The following BMPR1B variants were observed in gnomAD, a reference collection of about 807,000 sequenced individuals.
BMPR1B encodes the protein bone morphogenetic protein receptor type 1B.
A neutral mutation model predicts 59.1 loss-of-function variants in BMPR1B; 12 were observed. The observed-to-expected ratio is 0.20, with a 90% confidence interval of 0.13 to 0.33. The LOEUF (loss-of-function observed/expected upper bound fraction) is 0.33. Ranked by LOEUF, BMPR1B falls within the 10% of genes least tolerant of loss-of-function variation. The pLI is 1.00. For synonymous variants in BMPR1B, 237 were observed against 207.3 expected (o/e 1.14, Z -1.23); for missense variants, 550 against 610.9 (o/e 0.90, Z 1.05).
chr4:94,887,422 A>AAAAT (rs1354586556), intron 2 of BMPR1B, among the ~76,000 whole-genome samples: 1 of 150,232 alleles, frequency 6.7e-6, no homozygotes, highest in Admixed American at 6.6e-5. Context: ...AAAAAAAAAA[A>AAAAT]ACAAGAAGCA....
chr4:94,981,024 A>ACACAC (rs1560578257), intron 2 of BMPR1B, among the ~76,000 whole-genome samples: 2 of 45,956 alleles, frequency 4.4e-5, no homozygotes, highest in African/African-American at 1.4e-4. Context: ...CACACACACA[A>ACACAC]AAAGTAGAAG....
At chr4:94,939,227 T>C (rs1330906020) in intron 2 of BMPR1B, among the ~76,000 whole-genome samples, 1 of 152,122 alleles carries the variant, frequency 6.6e-6, no homozygotes. Flanking sequence ...AGATTCTGTA[T>C]GTAATTAAAA....
chr4:94,826,051 T>A (rs994185697), intron 1 of BMPR1B, among the ~76,000 whole-genome samples: 9 of 152,118 alleles, frequency 5.9e-5, no homozygotes, highest in South Asian at 2.1e-4. Flanking sequence ...GAAAAAAAAA[T>A]TTTAAAATCA....
chr4:95,026,097 C>CATTTATTTATTTATTT (rs1331360037), intron 3 of BMPR1B, among the ~76,000 whole-genome samples: 1 of 23,882 alleles, frequency 4.2e-5, no homozygotes, highest in African/African-American at 1.1e-4. Flanking sequence ...TGCTTTCTTT[C>CATTTATTTATTTATTT]ATTTCTTTCT....
chr4:94,836,350 G>T (rs968406185), intron 1 of BMPR1B, among the ~76,000 whole-genome samples: 1 of 146,812 alleles, frequency 6.8e-6, no homozygotes, highest in Admixed American at 6.7e-5. Flanking sequence ...TTCCACAATG[G>T]TTGAACTAGT....
intron 1 of BMPR1B, among the ~76,000 whole-genome samples, chr4:94,784,249 A>G (rs929495694): frequency 3.3e-5 from 5 of 152,260 alleles, no homozygotes; most frequent in South Asian, 2.1e-4. Context: ...CCTATTGTCA[A>G]TAAGAGACTT....
rs895796022 is a variant in BMPR1B at position 95,084,703 on chromosome 4, A to G, written c.-17-19705A>G. On this transcript the variant is annotated intron_variant, in intron 3 of 12. Coordinates refer to ENST00000515059, the MANE Select transcript of BMPR1B (RefSeq NM_001203.3). Reference sequence around the variant, plus strand: ...GGCATTACTACATTACAGTGTTGACACAGGGACACTTCCCTTGCACTAAAT... The same window carrying G: ...GGCATTACTACATTACAGTGTTGACGCAGGGACACTTCCCTTGCACTAAAT... 1.0e-3 allele frequency among the ~76,000 whole-genome samples: 152 copies of G among 152,354 alleles called. 1 individual carries two copies. Among genetic ancestry groups the G allele is most frequent in the Middle Eastern group, 6.8e-3 (2 of 294 alleles).
chr4:95,080,926 A>G (rs902323467), intron 3 of BMPR1B, among the ~76,000 whole-genome samples: 12 of 152,196 alleles, frequency 7.9e-5, no homozygotes, highest in African/African-American at 2.2e-4. Context: ...CTGAGAATCA[A>G]TGGTTATTGA....
chr4:95,080,626 A>G (rs761625618), intron 3 of BMPR1B, among the ~76,000 whole-genome samples: 7 of 152,160 alleles, frequency 4.6e-5, no homozygotes, highest in Non-Finnish European at 1.0e-4. Context: ...TTGCCAACAT[A>G]GTAATATTAA....
At chr4:94,772,279 T>C (rs1300291999) in intron 1 of BMPR1B, among the ~76,000 whole-genome samples, 1 of 152,186 alleles carries the variant, frequency 6.6e-6, no homozygotes, top group Non-Finnish European at 1.5e-5. Context: ...CCCCTTTGTC[T>C]TCAGCATGTT....
At chr4:94,770,365 G>T (rs188564248) in intron 1 of BMPR1B, among the ~76,000 whole-genome samples, 1 of 151,794 alleles carries the variant, frequency 6.6e-6, no homozygotes, top group African/African-American at 2.4e-5. Context: ...GTCATTGTTA[G>T]CTTTTTTGGC....
intron 3 of BMPR1B, among the ~76,000 whole-genome samples, chr4:95,041,514 T>A (rs1725650311): frequency 1.3e-5 from 2 of 152,154 alleles, no homozygotes; most frequent in East Asian, 1.9e-4. Context: ...CTGACCCTCC[T>A]TTTTTGCTCC....
At chr4:95,069,259 T>C (rs1728091775) in intron 3 of BMPR1B, among the ~76,000 whole-genome samples, 1 of 152,210 alleles carries the variant, frequency 6.6e-6, no homozygotes, top group African/African-American at 2.4e-5. Flanking sequence ...CTCTCTGCTT[T>C]GGTTTTTGCT....
chr4:94,876,532 CA>C (rs1423241027), intron 2 of BMPR1B, among the ~76,000 whole-genome samples: 1 of 152,136 alleles, frequency 6.6e-6, no homozygotes, highest in Non-Finnish European at 1.5e-5. Context: ...TTGTTCTTCA[CA>C]AGTCTGTGAA....
intron 2 of BMPR1B, among the ~76,000 whole-genome samples, chr4:94,962,049 C>CT (rs775318241): frequency 1.3e-5 from 2 of 149,732 alleles, no homozygotes; most frequent in African/African-American, 5.0e-5. Context: ...TTTATTCTTT[C>CT]TTTCTTTCTT....
At chr4:94,804,008 A>T (rs1390567821) in intron 1 of BMPR1B, among the ~76,000 whole-genome samples, 3 of 151,956 alleles carry the variant, frequency 2.0e-5, no homozygotes, top group Non-Finnish European at 4.4e-5. Context: ...CCTCCCGAGT[A>T]GCTGGGACTA....
intron 3 of BMPR1B, among the ~76,000 whole-genome samples, chr4:95,048,698 T>C (rs1203242386): frequency 2.0e-5 from 3 of 152,182 alleles, no homozygotes; most frequent in Non-Finnish European, 4.4e-5. Context: ...CTGGTACAGA[T>C]AGAGGCTTAA....
At chr4:95,016,403 A>G (rs1312703031) in intron 3 of BMPR1B, among the ~76,000 whole-genome samples, 1 of 152,244 alleles carries the variant, frequency 6.6e-6, no homozygotes, top group Non-Finnish European at 1.5e-5. Flanking sequence ...TCAAAGTAGA[A>G]GATAATAGAA....
chr4:94,929,243 G>T (rs1175956622), intron 2 of BMPR1B, among the ~76,000 whole-genome samples: 1 of 152,096 alleles, frequency 6.6e-6, no homozygotes, highest in Non-Finnish European at 1.5e-5. Flanking sequence ...GGGGATAGTG[G>T]CATGTCTTAA....
Sources: allele counts gnomAD v4.1 joint callset (sites outside exome capture counted in the v4.1 genomes callset), GRCh38; gene constraint gnomAD v4.1.1; transcripts MANE v1.5; gene names NCBI Gene and HGNC (gene_info 2026-07-23, HGNC 2026-07-21).